CNTN5: variants seen among roughly 807,000 people sequenced by gnomAD.
The protein encoded by CNTN5 is contactin 5.
A neutral mutation model predicts 129.1 loss-of-function variants in CNTN5; 77 were observed. That is an observed-to-expected ratio of 0.60 (90% CI 0.50 to 0.72). The LOEUF is 0.72. Among genes scored for constraint, CNTN5 ranks in the 30% least tolerant of loss-of-function variants. The pLI is 0.00. For synonymous variants in CNTN5, 509 were observed against 465.6 expected (o/e 1.09, Z -1.20); for missense variants, 1,478 against 1,328.8 (o/e 1.11, Z -1.75).
chr11:99,877,293 T>C (rs1258478071), intron 6 of CNTN5, among the ~76,000 whole-genome samples: 3 of 152,226 alleles, frequency 2.0e-5, no homozygotes, highest in Non-Finnish European at 4.4e-5. Context: ...GACAGATCTA[T>C]CTTTAATTGA....
intron 1 of CNTN5, among the ~76,000 whole-genome samples, chr11:99,161,221 A>T (rs888224966): frequency 5.3e-5 from 8 of 152,176 alleles, no homozygotes; most frequent in Non-Finnish European, 1.0e-4. Context: ...AAAATCTTGA[A>T]ATATATAGAT....
intron 1 of CNTN5, among the ~76,000 whole-genome samples, chr11:99,241,318 G>GTTGTTT (rs1861542488): frequency 4.5e-5 from 4 of 88,046 alleles, no homozygotes; most frequent in African/African-American, 1.3e-4. Context: ...TTGATTGTTG[G>GTTGTTT]TTTTTTTTTT....
At chr11:99,080,087 C>T (rs1259191859) in intron 1 of CNTN5, among the ~76,000 whole-genome samples, 3 of 152,046 alleles carry the variant, frequency 2.0e-5, no homozygotes, top group Non-Finnish European at 4.4e-5. Context: ...TAAAACAAAA[C>T]TTCAAAATTA....
intron 3 of CNTN5, among the ~76,000 whole-genome samples, chr11:99,776,752 A>G (rs1945138740): frequency 6.6e-6 from 1 of 150,782 alleles, no homozygotes; most frequent in Admixed American, 6.6e-5. Flanking sequence ...ATTACTGGGT[A>G]TGAAGGATGG....
At chr11:99,884,882 C>A (rs927712795) in intron 6 of CNTN5, among the ~76,000 whole-genome samples, 3 of 152,094 alleles carry the variant, frequency 2.0e-5, no homozygotes, top group Non-Finnish European at 2.9e-5. Context: ...TTGGCTGAGG[C>A]AGAAGAATTG....
intron 7 of CNTN5, among the ~76,000 whole-genome samples, chr11:99,928,631 T>C (rs1950118845): frequency 6.6e-6 from 1 of 152,122 alleles, no homozygotes; most frequent in Non-Finnish European, 1.5e-5. Flanking sequence ...GGGCACCAAG[T>C]CTTGAGTCTG....
At chr11:99,883,823 C>CTATATG (rs1948831123) in intron 6 of CNTN5, among the ~76,000 whole-genome samples, 1 of 152,186 alleles carries the variant, frequency 6.6e-6, no homozygotes, top group Non-Finnish European at 1.5e-5. Flanking sequence ...TGTCCACACC[C>CTATATG]TTTTCAGACT....
intron 1 of CNTN5, among the ~76,000 whole-genome samples, chr11:99,209,336 C>A (rs918595256): frequency 1.3e-5 from 2 of 152,018 alleles, no homozygotes; most frequent in African/African-American, 4.8e-5. Context: ...AAGCTTGTTG[C>A]CAGCATCTGC....
intron 23 of CNTN5, among the ~76,000 whole-genome samples, chr11:100,342,152 GACACACAC>G (rs3220443): frequency 3.4e-5 from 5 of 146,894 alleles, no homozygotes; most frequent in African/African-American, 5.1e-5. Flanking sequence ...ATAGATCACA[GACACACAC>G]ACACACACAC....
intron 7 of CNTN5, among the ~76,000 whole-genome samples, chr11:99,935,151 G>T (rs1443676145): frequency 6.6e-6 from 1 of 150,968 alleles, no homozygotes; most frequent in Non-Finnish European, 1.5e-5. Flanking sequence ...GCAAACACCT[G>T]CTATTGTTCA....
chr11:100,329,781 C>T (rs1239316610), intron 21 of CNTN5, among the ~76,000 whole-genome samples: 1 of 152,176 alleles, frequency 6.6e-6, no homozygotes, highest in Non-Finnish European at 1.5e-5. Context: ...AGGGAGAGAA[C>T]ACCACATCAA....
intron 2 of CNTN5, among the ~76,000 whole-genome samples, chr11:99,458,778 AGT>A (rs1212619740): frequency 6.6e-6 from 1 of 152,010 alleles, no homozygotes; most frequent in Non-Finnish European, 1.5e-5. Context: ...AAAAACCTGA[AGT>A]CTGGGGAACT....
chr11:99,241,769 G>A (rs1443629483), intron 1 of CNTN5, among the ~76,000 whole-genome samples: 3 of 152,082 alleles, frequency 2.0e-5, no homozygotes, highest in African/African-American at 7.2e-5. Context: ...TCACAGTTAT[G>A]TATCAAAAGC....
intron 3 of CNTN5, among the ~76,000 whole-genome samples, chr11:99,684,108 C>G (rs1953680782): frequency 1.3e-5 from 2 of 151,888 alleles, no homozygotes; most frequent in South Asian, 4.1e-4. Context: ...CAACCCCCGT[C>G]TGGTAACCAC....
At chr11:99,529,697 A>C (rs1182784265) in intron 2 of CNTN5, among the ~76,000 whole-genome samples, 1 of 152,218 alleles carries the variant, frequency 6.6e-6, no homozygotes, top group Non-Finnish European at 1.5e-5. Context: ...AATGAAATGC[A>C]AGAACTCAGG....
At chr11:99,197,871 A>G (rs1371996962) in intron 1 of CNTN5, among the ~76,000 whole-genome samples, 1 of 152,186 alleles carries the variant, frequency 6.6e-6, no homozygotes, top group Non-Finnish European at 1.5e-5. Flanking sequence ...AGAGATAATT[A>G]TAAAACTGTG....
At chr11:99,097,382 A>G (rs1866521359) in intron 1 of CNTN5, among the ~76,000 whole-genome samples, 1 of 151,902 alleles carries the variant, frequency 6.6e-6, no homozygotes, top group African/African-American at 2.4e-5. Context: ...CTAATTCAAA[A>G]CCTGAAAATT....
chr11:99,621,397 A>C (rs748209955), intron 3 of CNTN5, among the ~76,000 whole-genome samples: 2 of 152,196 alleles, frequency 1.3e-5, no homozygotes, highest in Non-Finnish European at 2.9e-5. Context: ...GTTACACACA[A>C]AAATATATCA....
chr11:99,560,755 A>G (rs992761408), intron 3 of CNTN5, among the ~76,000 whole-genome samples: 1 of 152,174 alleles, frequency 6.6e-6, no homozygotes, highest in African/African-American at 2.4e-5. Flanking sequence ...TAAAATCCAT[A>G]AACATGTATA....
Sources: gnomAD v4.1 joint callset for allele counts (sites outside exome capture counted in the v4.1 genomes callset) on GRCh38, gnomAD v4.1.1 for gene constraint, MANE v1.5 for transcripts, NCBI Gene and HGNC (gene_info 2026-07-23, HGNC 2026-07-21) for gene names.